Variants in CPSF2 observed in about 807,000 individuals in gnomAD.
CPSF2 encodes cleavage and polyadenylation specificity factor subunit 2.
A neutral mutation model predicts 84.2 loss-of-function variants in CPSF2; 51 were observed. The observed-to-expected ratio is 0.61, with a 90% CI of 0.48 to 0.77. The LOEUF (loss-of-function observed/expected upper bound fraction) is 0.77, where lower values mean the gene tolerates loss of function less well. Among genes scored for constraint, CPSF2 ranks in the 30% least tolerant of loss-of-function variants. The probability of loss-of-function intolerance (pLI) is 0.00; values close to 1 mark genes in which losing one functional copy is unlikely to be tolerated. For missense variants in CPSF2, 641 were observed against 929.4 expected (o/e 0.69, Z 4.03); for synonymous variants, 286 against 311.9 (o/e 0.92, Z 0.87).
intron 9 of CPSF2, among the ~76,000 whole-genome samples, chr14:92,146,622 A>G (rs2069147949): frequency 6.6e-6 from 1 of 152,260 alleles, no homozygotes; most frequent in South Asian, 2.1e-4. Flanking sequence ...ACAGATCTCT[A>G]AAACTTTTTC....
At chr14:92,145,075 G>T (rs2069126000) in intron 9 of CPSF2, among the ~76,000 whole-genome samples, 1 of 152,124 alleles carries the variant, frequency 6.6e-6, no homozygotes, top group Non-Finnish European at 1.5e-5. Context: ...TTCAAAATTA[G>T]TATATCATTA....
At position 92,166,494 on chromosome 14, in the gene CPSF2, G is replaced by A. The variant is rs1184057065; in HGVS notation, c.*4750G>A. The stretch of plus-strand genomic sequence containing the variant: ...CCCAAGTAGCTGAGATTACAAGTGT[G>A]TGCCACCATGCCTGACTAATTTTTA... On this transcript the variant is annotated 3_prime_UTR_variant, in exon 16 of 16. Transcript: ENST00000298875. 2.0e-5 allele frequency: 3 copies of A among 151,826 alleles called. No individual in the cohort carries two copies. The highest frequency in any genetic ancestry group is 4.8e-5 in the African/African-American group (2 of 41,316). The allele number at this position is 151,826 out of a possible 1,614,324, so 9.4% of individuals were successfully genotyped here.
intron 15 of CPSF2, 149 bp from the exon 16 acceptor site, chr14:92,161,503 G>T: frequency 1.7e-6 from 1 of 592,238 alleles, no homozygotes; most frequent in Non-Finnish European, 2.8e-6. Context: ...TAAAATTCAT[G>T]ACTTCAATAT....
At position 92,163,762 on chromosome 14, in the gene CPSF2, C is replaced by T. The variant is rs1293830541; in HGVS notation, c.*2018C>T. Reference sequence around the variant, plus strand: ...TTGTTTTTTGAGATGGAGTTTTGCTCTTGTTGCCCAGACTGGAGTGCAATG... The same window carrying T: ...TTGTTTTTTGAGATGGAGTTTTGCTTTTGTTGCCCAGACTGGAGTGCAATG... On this transcript the variant is annotated 3_prime_UTR_variant, in exon 16 of 16. Coordinates refer to ENST00000298875, the MANE Select transcript of CPSF2 (RefSeq NM_017437.3). 6.6e-6 allele frequency: 1 copy of T among 152,244 alleles called. No homozygotes were observed. The highest frequency in any genetic ancestry group is 2.4e-5 in the African/African-American group (1 of 41,320). The allele number at this position is 152,244 out of a possible 1,614,324, so 9.4% of individuals were successfully genotyped here.
rs2069336184 is a variant in CPSF2, at chr14:92,159,267, C to T, written c.2106C>T (p.Pro702=). The change falls in exon 14 of 16, where the codon CCC becomes CCT. Residue 702 remains proline, a synonymous_variant. Coordinates refer to ENST00000298875, the MANE Select transcript of CPSF2 (RefSeq NM_017437.3). ...GTGAGATCATTCCTACTTTGGAACC[C>T]TTGCCACCTCATGAGGTAAAAAAAG... ...EESEIIPTLE[P]LPPHEVPGHQ... The T allele has an allele frequency of 6.3e-7, 1 of 1,595,296 alleles. No homozygotes were observed. The highest frequency in any genetic ancestry group is 8.5e-7 in the Non-Finnish European group (1 of 1,169,652).
intron 9 of CPSF2, among the ~76,000 whole-genome samples, chr14:92,152,547 T>G (rs2069234785): frequency 6.6e-6 from 1 of 152,104 alleles, no homozygotes. Context: ...CCAGCGATTC[T>G]CCTGCCTCAG....
chr14:92,154,493 A>G (rs779371394), intron 10 of CPSF2, 35 bp downstream of exon 10: 1 of 1,398,984 alleles, frequency 7.1e-7, no homozygotes, highest in Non-Finnish European at 9.8e-7. Flanking sequence ...AAATTTATGG[A>G]TGCAATTTGA....
intron 9 of CPSF2, 36 bp from the exon 10 acceptor site, chr14:92,154,322 T>C (rs1397721777): frequency 2.7e-6 from 4 of 1,495,740 alleles, no homozygotes; most frequent in Non-Finnish European, 3.7e-6. Flanking sequence ...AATATTAACA[T>C]ATTAACATTT....
At position 92,169,425 on chromosome 14, in the gene CPSF2, C is replaced by G. The variant is rs1480976056; in HGVS notation, c.*7681C>G. 1.0e-5 allele frequency: 1 copy of G among 97,510 alleles called. No individual in the cohort carries two copies. The highest frequency in any genetic ancestry group is 2.1e-5 in the Non-Finnish European group (1 of 46,684). 6.0% of individuals were successfully genotyped at this position (97,510 alleles called of 1,614,324 possible). A position where few individuals can be genotyped will look rare whatever the true frequency, so the allele number is the denominator to read the frequency against. On this transcript the variant is annotated 3_prime_UTR_variant, in exon 16 of 16. Transcript: ENST00000298875. Reference sequence around the variant, plus strand: ...TTAACTATTTAATATCAGACTATAACTAAAATACAAGTAGTGGAATTATAC... The same window carrying G: ...TTAACTATTTAATATCAGACTATAAGTAAAATACAAGTAGTGGAATTATAC...
rs2069305294 is a variant in CPSF2 at position 92,157,496 on chromosome 14, G to A, written c.1596-163G>A. Among the ~76,000 whole-genome samples the A allele has an allele frequency of 6.6e-6, 1 of 151,954 alleles. No homozygotes were observed. The highest frequency in any genetic ancestry group is 6.6e-5 in the Admixed American group (1 of 15,246). On this transcript the variant is annotated intron_variant, in intron 12 of 15. Transcript: ENST00000298875. The surrounding 1 kb of genome is among the most constrained non-coding windows in gnomAD (Gnocchi z 4.0). ...CACTCTAGCCTGGGCAAAAGAGCGAGACCCAATCTCAGAAAAATAAAAACA... is the reference window on the plus strand; with the variant it reads ...CACTCTAGCCTGGGCAAAAGAGCGAAACCCAATCTCAGAAAAATAAAAACA...
intron 10 of CPSF2, 151 bp from the exon 11 acceptor site, chr14:92,154,972 G>A: frequency 1.7e-6 from 1 of 589,130 alleles, no homozygotes; most frequent in South Asian, 2.3e-5. Context: ...TGTTGTATAT[G>A]TGGTCTATTG....
Position 92,143,080 on chromosome 14 carries a change from CTT to C in CPSF2, c.928_929del (p.Leu310MetfsTer6). ...AATCCGTTTCAGTTTCGCCATCTCTCTTTATGTCATGGTCTTTCTGACTTGGC... is the reference window on the plus strand; with the variant it reads ...AATCCGTTTCAGTTTCGCCATCTCTCTATGTCATGGTCTTTCTGACTTGGC... On this transcript the variant is annotated frameshift_variant, in exon 9 of 16. Coordinates refer to ENST00000298875, the MANE Select transcript of CPSF2 (RefSeq NM_017437.3). LOFTEE classifies it high-confidence loss of function. 6.2e-7 allele frequency: 1 copy of C among 1,614,060 alleles called. No individual in the cohort carries two copies. The highest frequency in any genetic ancestry group is 8.5e-7 in the Non-Finnish European group (1 of 1,179,928).
At position 92,164,626 on chromosome 14, in the gene CPSF2, TTTGA is replaced by T. The variant is rs1567029584; in HGVS notation, c.*2886_*2889del. 6.6e-6 allele frequency: 1 copy of T among 152,212 alleles called. No individual in the cohort carries two copies. The highest frequency in any genetic ancestry group is 2.4e-5 in the African/African-American group (1 of 41,444). 9.4% of individuals were successfully genotyped at this position (152,212 alleles called of 1,614,324 possible). A position where few individuals can be genotyped will look rare whatever the true frequency, so the allele number is the denominator to read the frequency against. ...TGCAAATAATTTGGTTAAAATGAAA[TTTGA>T]TTGTAGTATTTGTTGCTGTAGGATT... On this transcript the variant is annotated 3_prime_UTR_variant, in exon 16 of 16. Coordinates refer to ENST00000298875, the MANE Select transcript of CPSF2 (RefSeq NM_017437.3).
chr14:92,131,062 T>C lies in CPSF2; in HGVS notation c.78T>C (p.Asp26=), dbSNP rs373779219. 1.9e-6 allele frequency: 3 copies of C among 1,611,148 alleles called. No individual in the cohort carries two copies. Among genetic ancestry groups the C allele is most frequent in the African/African-American group, 1.3e-5 (1 of 74,866 alleles). The change falls in exon 3 of 16, where the codon GAT becomes GAC. Residue 26 remains aspartate, a synonymous_variant. Transcript: ENST00000298875. ...ESALCYLLQV[D]EFRFLLDCGW... ...CCCTTTGCTATCTTCTCCAAGTTGA[T>C]GAGTTTAGATTTTTATTGGACTGTG...
intron 5 of CPSF2, 74 bp from the exon 6 acceptor site, chr14:92,135,293 T>C: frequency 1.5e-6 from 2 of 1,338,200 alleles, no homozygotes; most frequent in Non-Finnish European, 2.0e-6. Context: ...TATTAAAATA[T>C]TATAGTTGAG....
rs139957189 is a variant in CPSF2 at position 92,134,914 on chromosome 14, AAC to A, written c.416-451_416-450del. Among the ~76,000 whole-genome samples, 514 of 152,314 alleles carry A rather than the reference AAC, an allele frequency of 3.4e-3. 1 individual carries two copies. The highest frequency in any genetic ancestry group is 0.012 in the African/African-American group (488 of 41,574). ...TCTGAAGATTTAGCCCAGAAATAAC[AAC>A]AGTCTCAACAGTTTTGCTTCTAGTT... On this transcript the variant is annotated intron_variant, in intron 5 of 15. Transcript: ENST00000298875.
intron 1 of CPSF2, among the ~76,000 whole-genome samples, chr14:92,125,785 A>G (rs372744162): frequency 6.6e-6 from 1 of 151,634 alleles, no homozygotes; most frequent in Admixed American, 6.6e-5. Flanking sequence ...TACTCCTGTT[A>G]CTCCTCTGTT....
chr14:92,161,776 C>A lies in CPSF2; in HGVS notation c.*32C>A. 1 of 1,240,312 alleles carries A rather than the reference C, an allele frequency of 8.1e-7. No individual in the cohort carries two copies. The allele number at this position is 1,240,312 out of a possible 1,614,324, so 76.8% of individuals were successfully genotyped here. ...TGATGTCAAGAAGTATCTGCTTGACCTTTCTAAGAAAAAGGGATTCTTATC... is the reference window on the plus strand; with the variant it reads ...TGATGTCAAGAAGTATCTGCTTGACATTTCTAAGAAAAAGGGATTCTTATC... On this transcript the variant is annotated 3_prime_UTR_variant, in exon 16 of 16. Coordinates refer to ENST00000298875, the MANE Select transcript of CPSF2 (RefSeq NM_017437.3).
In CPSF2 at chr14:92,134,375, G is replaced by GT; in HGVS notation, c.415+21dup. On this transcript the variant is annotated intron_variant, in intron 5 of 15. Transcript: ENST00000298875. ...TGAAAGGTAAAAAGAATTTCCAGTA[G>GT]TAAGTATTTAGATGAATGGGGTTTA... 6.6e-7 allele frequency: 1 copy of GT among 1,517,552 alleles called. No homozygotes were observed. The allele number at this position is 1,517,552 out of a possible 1,614,324, so 94.0% of individuals were successfully genotyped here.
Sources: gnomAD v4.1 joint callset for allele counts (sites outside exome capture counted in the v4.1 genomes callset) on GRCh38, gnomAD v4.1.1 for gene constraint, Gnocchi (gnomAD v3.1) non-coding constraint, MANE v1.5 for transcripts, NCBI Gene and HGNC (gene_info 2026-07-23, HGNC 2026-07-21) for gene names.